Variants in RABEP1 observed in about 807,000 individuals in gnomAD.
The protein encoded by RABEP1 is rabaptin, RAB GTPase binding effector protein 1.
In RABEP1, 51 loss-of-function variants were observed where a neutral mutation model predicts 123.4. The ratio of observed to expected loss-of-function variants is 0.41; its 90% CI spans 0.33 to 0.52. RABEP1 has a LOEUF of 0.52. RABEP1 is among the 20% of genes least tolerant of loss of function. The pLI, the probability that RABEP1 is intolerant of heterozygous loss-of-function variation, is 0.16. For synonymous variants in RABEP1, 347 were observed against 355.2 expected (o/e 0.98, Z 0.26); for missense variants, 888 against 996.3 (o/e 0.89, Z 1.46).
At chr17:5,305,506 TTATAAA>T (rs1236603472) in intron 1 of RABEP1, among the ~76,000 whole-genome samples, 2 of 152,178 alleles carry the variant, frequency 1.3e-5, no homozygotes, top group African/African-American at 4.8e-5. Context: ...CATTTCCTAA[TTATAAA>T]TATATTAATG....
At chr17:5,320,068 C>T (rs1052161190) in intron 2 of RABEP1, among the ~76,000 whole-genome samples, 4 of 151,748 alleles carry the variant, frequency 2.6e-5, no homozygotes, top group African/African-American at 4.8e-5. Context: ...TAAAACCACC[C>T]CAAGGTATAT....
chr17:5,379,872 A>ACAC (rs145633079), intron 15 of RABEP1, among the ~76,000 whole-genome samples: 3,709 of 152,212 alleles, frequency 0.024, 145 homozygotes, highest in African/African-American at 0.085. Context: ...CTCCTGCCTC[A>ACAC]CACCTCTCTG....
intron 1 of RABEP1, among the ~76,000 whole-genome samples, chr17:5,304,824 G>T (rs1348614748): frequency 6.6e-6 from 1 of 152,196 alleles, no homozygotes; most frequent in East Asian, 1.9e-4. Flanking sequence ...TGAGCTGGAA[G>T]TCTCAGCATG....
At chr17:5,303,510 A>T (rs562886635) in intron 1 of RABEP1, among the ~76,000 whole-genome samples, 1 of 152,252 alleles carries the variant, frequency 6.6e-6, no homozygotes, top group Non-Finnish European at 1.5e-5. Context: ...TGAAAGTGCT[A>T]GGATTACAGG....
At chr17:5,323,845 TATATATATCTAGGA>T in intron 2 of RABEP1, among the ~76,000 whole-genome samples, 1 of 137,754 alleles carries the variant, frequency 7.3e-6, no homozygotes, top group African/African-American at 2.7e-5. Context: ...TAGGAATATA[TATATATATCTAGGA>T]ATATATATAT....
At chr17:5,312,336 A>G (rs1455559208) in intron 2 of RABEP1, among the ~76,000 whole-genome samples, 1 of 152,188 alleles carries the variant, frequency 6.6e-6, no homozygotes, top group African/African-American at 2.4e-5. Flanking sequence ...TTTTTAGTAG[A>G]GACAGGGTTT....
chr17:5,343,250 CAAAA>C (rs1256468669), intron 5 of RABEP1, among the ~76,000 whole-genome samples: 5 of 151,856 alleles, frequency 3.3e-5, no homozygotes, highest in African/African-American at 1.2e-4. Flanking sequence ...AACTCCGTCT[CAAAA>C]TAAATAAATT....
At position 5,299,719 on chromosome 17, in the gene RABEP1, C is replaced by CTTTT. The variant is rs146585957; in HGVS notation, c.35-8973_35-8970dup. Among the ~76,000 whole-genome samples, 942 of 98,642 alleles carry CTTTT rather than the reference C, an allele frequency of 9.5e-3. 93 individuals carry two copies. Among genetic ancestry groups the CTTTT allele is most frequent in the Middle Eastern group, 0.013 (2 of 154 alleles). The allele number at this position is 98,642 out of a possible 152,430, so 64.7% of individuals were successfully genotyped here. A position where few individuals can be genotyped will look rare whatever the true frequency, so the allele number is the denominator to read the frequency against. On this transcript the variant is annotated intron_variant, in intron 1 of 17. Transcript: ENST00000537505. ...TCATTTCTTTTTCTTTTTTTCTTTT[C>CTTTT]TTTTTCTTTTTCTTTTTTTTTTTTT...
chr17:5,370,571 G>A (rs1910447932), intron 12 of RABEP1, among the ~76,000 whole-genome samples: 1 of 152,044 alleles, frequency 6.6e-6, no homozygotes, highest in African/African-American at 2.4e-5. Context: ...CAATTGCTTT[G>A]TTTCAGGCCA....
chr17:5,346,983 G>A, intron 6 of RABEP1, 58 bp downstream of exon 6: 3 of 1,321,290 alleles, frequency 2.3e-6, no homozygotes, highest in East Asian at 2.6e-5. Flanking sequence ...TTAAATTGAT[G>A]TTGACTAATA....
intron 1 of RABEP1, among the ~76,000 whole-genome samples, chr17:5,299,801 C>G (rs2075120267): frequency 7.1e-6 from 1 of 140,798 alleles, no homozygotes; most frequent in Non-Finnish European, 1.5e-5. Flanking sequence ...GTGATCTCGG[C>G]TCACTGCAAC....
At chr17:5,328,021 T>C (rs902254596) in intron 2 of RABEP1, among the ~76,000 whole-genome samples, 1 of 152,212 alleles carries the variant, frequency 6.6e-6, no homozygotes, top group South Asian at 2.1e-4. Flanking sequence ...ATTGAGACTG[T>C]GATATTCTAA....
intron 2 of RABEP1, among the ~76,000 whole-genome samples, chr17:5,325,227 T>C (rs1905854295): frequency 6.6e-6 from 1 of 151,972 alleles, no homozygotes. Context: ...TCCCAGCTAC[T>C]TGGGAAGCTG....
At chr17:5,327,295 C>T (rs1906070421) in intron 2 of RABEP1, among the ~76,000 whole-genome samples, 1 of 151,512 alleles carries the variant, frequency 6.6e-6, no homozygotes, top group African/African-American at 2.4e-5. Flanking sequence ...TTGCAGTGAG[C>T]CGAGATCATG....
At chr17:5,298,686 C>T (rs1273955680) in intron 1 of RABEP1, among the ~76,000 whole-genome samples, 13 of 144,170 alleles carry the variant, frequency 9.0e-5, no homozygotes, top group East Asian at 6.4e-4. Flanking sequence ...GACGGAGTCT[C>T]GCTCTGTCGC....
intron 1 of RABEP1, among the ~76,000 whole-genome samples, chr17:5,286,003 T>C (rs1162058391): frequency 6.6e-6 from 1 of 151,492 alleles, no homozygotes; most frequent in Admixed American, 6.5e-5. Context: ...AGGTACTCTT[T>C]TACTTCTGTA....
chr17:5,381,484 A>G lies in RABEP1; in HGVS notation c.2466A>G (p.Val822=). Residue 822 remains valine (V), a synonymous_variant, in exon 17 of 18, where the codon GTA becomes GTG. Coordinates refer to ENST00000537505, the MANE Select transcript of RABEP1 (RefSeq NM_004703.6). ...GTGAGCAAGTCCAGAGGGATTTTGT[A>G]AAGCTTTCACAGACCCTTCAGGTGA... ...DVSEQVQRDF[V]KLSQTLQVQL... is the part of the protein sequence containing the mutation. 6.2e-7 allele frequency: 1 copy of G among 1,613,528 alleles called. No individual in the cohort carries two copies. The highest frequency in any genetic ancestry group is 1.7e-5 in the Admixed American group (1 of 59,978).
intron 2 of RABEP1, among the ~76,000 whole-genome samples, chr17:5,314,672 C>T (rs1350748886): frequency 1.3e-5 from 2 of 152,156 alleles, no homozygotes; most frequent in African/African-American, 4.8e-5. Context: ...GCGCCCGCCA[C>T]CACGCCTGGC....
Position 5,383,430 on chromosome 17 carries a change from C to G in RABEP1, c.*207C>G, listed in dbSNP as rs190144422. On this transcript the variant is annotated 3_prime_UTR_variant, in exon 18 of 18. Coordinates refer to ENST00000537505, the MANE Select transcript of RABEP1 (RefSeq NM_004703.6). ...TCTGCAGCCCAGAGACCTTCAAATG[C>G]GAACACTATAAACTCCAGGCTTGAT... 1.5e-5 allele frequency: 8 copies of G among 541,854 alleles called. No individual in the cohort carries two copies. Among genetic ancestry groups the G allele is most frequent in the Non-Finnish European group, 2.3e-5 (7 of 301,770 alleles). The allele number at this position is 541,854 out of a possible 1,614,324, so 33.6% of individuals were successfully genotyped here. A position where few individuals can be genotyped will look rare whatever the true frequency, so the allele number is the denominator to read the frequency against.
Sources: gnomAD v4.1 joint callset for allele counts (sites outside exome capture counted in the v4.1 genomes callset) on GRCh38, gnomAD v4.1.1 for gene constraint, MANE v1.5 for transcripts, NCBI Gene and HGNC (gene_info 2026-07-23, HGNC 2026-07-21) for gene names.